Variants in ROCK2 observed in about 807,000 individuals in gnomAD.
The protein encoded by ROCK2 is rho-associated protein kinase 2.
ROCK2 carries 61 observed loss-of-function variants against 195.1 expected under a neutral mutation model. The observed-to-expected ratio is 0.31, with a 90% confidence interval of 0.25 to 0.39. ROCK2 has a LOEUF of 0.39. Ranked by LOEUF, ROCK2 falls within the 10% of genes least tolerant of loss-of-function variation. The pLI, the probability that ROCK2 is intolerant of heterozygous loss-of-function variation, is 1.00. For synonymous variants in ROCK2, 504 were observed against 545.5 expected (o/e 0.92, Z 1.06); for missense variants, 1,109 against 1,637.4 (o/e 0.68, Z 5.57).
At chr2:11,254,464 T>G (rs1319542317) in intron 3 of ROCK2, among the ~76,000 whole-genome samples, 3 of 152,196 alleles carry the variant, frequency 2.0e-5, no homozygotes, top group Non-Finnish European at 2.9e-5. Flanking sequence ...GTCACATGTG[T>G]GTACTTGGCT....
At chr2:11,295,977 A>AGAGAGAGAGAGAGAGAG (rs1275044752) in intron 1 of ROCK2, among the ~76,000 whole-genome samples, 1 of 75,854 alleles carries the variant, frequency 1.3e-5, no homozygotes, top group African/African-American at 4.1e-5. Flanking sequence ...AGAGAGAGAG[A>AGAGAGAGAGAGAGAGAG]GAGAGAGAGA....
chr2:11,320,563 T>G (rs1668370316), intron 1 of ROCK2, among the ~76,000 whole-genome samples: 1 of 152,326 alleles, frequency 6.6e-6, no homozygotes, highest in South Asian at 2.1e-4. Flanking sequence ...ATAAAATTAT[T>G]TAATATAGGT....
At chr2:11,199,681 T>C (rs1054261314) in intron 23 of ROCK2, among the ~76,000 whole-genome samples, 5 of 152,198 alleles carry the variant, frequency 3.3e-5, no homozygotes, top group Non-Finnish European at 7.3e-5. Context: ...TTTCACTCAA[T>C]AGCATATTAA....
intron 3 of ROCK2, among the ~76,000 whole-genome samples, chr2:11,277,267 C>A (rs1429979910): frequency 1.3e-5 from 2 of 152,184 alleles, no homozygotes; most frequent in Non-Finnish European, 2.9e-5. Context: ...AGGTTCACTG[C>A]CCCACAAATC....
At chr2:11,310,516 A>G (rs1667999319) in intron 1 of ROCK2, among the ~76,000 whole-genome samples, 1 of 152,226 alleles carries the variant, frequency 6.6e-6, no homozygotes, top group Admixed American at 6.5e-5. Context: ...AATTCCGAAT[A>G]TGAACAGCAA....
intron 32 of ROCK2, among the ~76,000 whole-genome samples, chr2:11,189,747 C>T (rs927108908): frequency 6.6e-6 from 1 of 151,780 alleles, no homozygotes; most frequent in Non-Finnish European, 1.5e-5. Context: ...TTTGGGAGGC[C>T]GAGGTGGGAG....
At chr2:11,210,942 AAGTT>A (rs572189454) in intron 18 of ROCK2, among the ~76,000 whole-genome samples, 313 of 152,310 alleles carry the variant, frequency 2.1e-3, no homozygotes, top group African/African-American at 7.0e-3. Context: ...TATTTTTTCT[AAGTT>A]AGTTACTCAT....
chr2:11,221,979 G>T, intron 8 of ROCK2, 104 bp downstream of exon 8: 1 of 642,922 alleles, frequency 1.6e-6, no homozygotes, highest in East Asian at 2.6e-5. Flanking sequence ...TTAAAAATGA[G>T]TTAGCATTAA....
rs1664658268 is a variant in ROCK2, at chr2:11,222,145, T to G, written c.1037A>C (p.Glu346Ala). The change falls in exon 8 of 33, where the codon GAA (glutamate) becomes GCA (alanine). Residue 346 changes from glutamate to alanine, a missense_variant. Physicochemically the swap from Glu to Ala is moderately radical, Grantham distance 107. This residue lies in a region of ROCK2 where 253 missense variants were observed against 455.5 expected (regional missense o/e 0.56). Coordinates refer to ENST00000315872, the MANE Select transcript of ROCK2 (RefSeq NM_004850.5). ...REVRLGRNGV[E>A]EIRQHPFFKN... ...AAAGAAAGGATGCTGTCTGATTTCT[T>G]CCACCCCATTTCTCCCAAGTCGTAC... The G allele has an allele frequency of 6.2e-7, 1 of 1,610,506 alleles. No individual in the cohort carries two copies. The highest frequency in any genetic ancestry group is 8.5e-7 in the Non-Finnish European group (1 of 1,177,304).
chr2:11,312,451 G>A (rs1668066058), intron 1 of ROCK2, among the ~76,000 whole-genome samples: 2 of 151,578 alleles, frequency 1.3e-5, no homozygotes, highest in East Asian at 3.9e-4. Flanking sequence ...CTCTTCAAAA[G>A]CCCCCACTTT....
chr2:11,301,630 T>C (rs1193606586), intron 1 of ROCK2, among the ~76,000 whole-genome samples: 1 of 151,436 alleles, frequency 6.6e-6, no homozygotes, highest in Non-Finnish European at 1.5e-5. Context: ...TACAAAAAAT[T>C]AGCCAAGCGT....
At chr2:11,325,528 A>T (rs1024963143) in intron 1 of ROCK2, among the ~76,000 whole-genome samples, 2 of 152,216 alleles carry the variant, frequency 1.3e-5, no homozygotes, top group Non-Finnish European at 2.9e-5. Context: ...AAAATGGTGC[A>T]GCTTCAAATG....
At chr2:11,330,827 G>GA (rs1455762772) in intron 1 of ROCK2, among the ~76,000 whole-genome samples, 2 of 8,708 alleles carry the variant, frequency 2.3e-4, no homozygotes, top group African/African-American at 3.9e-4. Flanking sequence ...GGAGGAGGAG[G>GA]GGGAGGAAGA....
At chr2:11,255,249 T>G (rs1220703322) in intron 3 of ROCK2, among the ~76,000 whole-genome samples, 5 of 145,498 alleles carry the variant, frequency 3.4e-5, no homozygotes, top group African/African-American at 1.1e-4. Flanking sequence ...TTGGGAAACA[T>G]CTTGATCTTT....
intron 20 of ROCK2, among the ~76,000 whole-genome samples, chr2:11,205,119 A>G (rs1664003439): frequency 6.6e-6 from 1 of 152,196 alleles, no homozygotes; most frequent in South Asian, 2.1e-4. Flanking sequence ...TTCACCCCAT[A>G]TTAGCTGTTC....
chr2:11,215,761 T>G (rs1664404861), intron 13 of ROCK2, 116 bp from the exon 14 acceptor site: 3 of 822,218 alleles, frequency 3.6e-6, no homozygotes, highest in Non-Finnish European at 5.5e-6. Context: ...TTCACTGCTT[T>G]TTTGTTAAAA....
chr2:11,221,088 G>T, intron 9 of ROCK2, 110 bp downstream of exon 9: 1 of 744,148 alleles, frequency 1.3e-6, no homozygotes, highest in Non-Finnish European at 2.0e-6. Context: ...TAGTCCTTTT[G>T]GAAAAAACAA....
At chr2:11,328,328 C>A (rs542940670) in intron 1 of ROCK2, among the ~76,000 whole-genome samples, 4 of 152,132 alleles carry the variant, frequency 2.6e-5, no homozygotes, top group African/African-American at 7.2e-5. Context: ...AGGCTAATAT[C>A]AGAGGGTTGA....
At chr2:11,262,045 C>G in intron 3 of ROCK2, among the ~76,000 whole-genome samples, 1 of 152,180 alleles carries the variant, frequency 6.6e-6, no homozygotes, top group Non-Finnish European at 1.5e-5. Flanking sequence ...CTGACTCCAC[C>G]ACAGACAAAT....
Sources: allele counts gnomAD v4.1 joint callset (sites outside exome capture counted in the v4.1 genomes callset), GRCh38; gene constraint gnomAD v4.1.1; regional missense constraint gnomAD v4.1.1; transcripts MANE v1.5; gene names NCBI Gene and HGNC (gene_info 2026-07-23, HGNC 2026-07-21).